Variants in HECTD4 observed in about 807,000 individuals in gnomAD.
HECTD4 encodes HECT domain E3 ubiquitin protein ligase 4.
In HECTD4, 114 loss-of-function variants were observed where a neutral mutation model predicts 471.5. That is an observed-to-expected ratio of 0.24 (90% CI 0.21 to 0.28). HECTD4 has a LOEUF of 0.28. Ranked by LOEUF, HECTD4 falls within the 10% of genes least tolerant of loss-of-function variation. The pLI, the probability that HECTD4 is intolerant of heterozygous loss-of-function variation, is 1.00. For synonymous variants in HECTD4, 2,012 were observed against 2,256.0 expected (o/e 0.89, Z 3.07); for missense variants, 3,866 against 5,651.5 (o/e 0.68, Z 10.13).
chr12:112,362,484 A>G (rs894227545), intron 1 of HECTD4, among the ~76,000 whole-genome samples: 7 of 152,104 alleles, frequency 4.6e-5, no homozygotes, highest in African/African-American at 1.7e-4. Context: ...AGCTATGGAG[A>G]CTGCAGTGGA....
chr12:112,354,985 A>T (rs942762990), intron 1 of HECTD4, among the ~76,000 whole-genome samples: 19 of 145,408 alleles, frequency 1.3e-4, no homozygotes, highest in African/African-American at 4.8e-4. Context: ...TGGGATTTTA[A>T]TTTTTTTTTT....
At chr12:112,375,725 G>C (rs1318002433) in intron 1 of HECTD4, among the ~76,000 whole-genome samples, 2 of 151,984 alleles carry the variant, frequency 1.3e-5, no homozygotes, top group Non-Finnish European at 2.9e-5. Flanking sequence ...TTATTTTTGA[G>C]TTATTGCTTT....
In HECTD4 at chr12:112,236,711, C is replaced by G. The variant is rs181592165; in HGVS notation, c.5444+234G>C. On this transcript the variant is annotated intron_variant, in intron 35 of 75. Coordinates refer to ENST00000682272, the MANE Select transcript of HECTD4 (RefSeq NM_001388303.1). The stretch of plus-strand genomic sequence containing the variant: ...AGCTGCTGTCAGTAAGGTATTAAAG[C>G]AAATGATGATATATTATTTTATGAT... Among the ~76,000 whole-genome samples, 24 of 152,256 alleles carry G rather than the reference C, an allele frequency of 1.6e-4. No individual in the cohort carries two copies. In the East Asian group the frequency reaches 4.4e-3, roughly 28 times the overall value.
intron 1 of HECTD4, among the ~76,000 whole-genome samples, chr12:112,332,533 T>A (rs1594052012): frequency 1.6e-5 from 2 of 123,542 alleles, no homozygotes; most frequent in East Asian, 3.1e-4. Flanking sequence ...AGATTAAGAC[T>A]CTGTCTCAAA....
Position 112,382,094 on chromosome 12 carries a change from G to C in HECTD4, c.35C>G (p.Ala12Gly), listed in dbSNP as rs1594091890. The C allele has an allele frequency of 7.3e-6, 9 of 1,226,180 alleles. No homozygotes were observed. The East Asian group carries it at 2.9e-4, about 39-fold the overall frequency. The allele number at this position is 1,226,180 out of a possible 1,614,324, so 76.0% of individuals were successfully genotyped here. A position where few individuals can be genotyped will look rare whatever the true frequency, so the allele number is the denominator to read the frequency against. ...GSSAAAAAAAAAAADSAQWLS... is the reference protein window; with the variant it reads ...GSSAAAAAAAGAAADSAQWLS... ...CCACTGCGCCGAGTCAGCGGCCGCCGCCGCCGCCGCCGCCGCGGCCGCCGA... is the reference window on the plus strand; with the variant it reads ...CCACTGCGCCGAGTCAGCGGCCGCCCCCGCCGCCGCCGCCGCGGCCGCCGA... The change falls in exon 1 of 76, where the codon GCG becomes GGG. Residue 12 changes from alanine to glycine, a missense_variant. By Grantham distance (60) the Ala-to-Gly change is moderately conservative. Around this residue, in one of 16 missense-constraint regions of HECTD4, gnomAD observed 440 missense variants for 636.0 expected, o/e 0.69. Coordinates refer to ENST00000682272, the MANE Select transcript of HECTD4 (RefSeq NM_001388303.1).
At chr12:112,204,745 T>A (rs2032524175) in intron 52 of HECTD4, 122 bp from the exon 53 acceptor site, 3 of 805,038 alleles carry the variant, frequency 3.7e-6, no homozygotes, top group Non-Finnish European at 5.9e-6. Flanking sequence ...TGAAAGTACA[T>A]AACCCTTTGG....
intron 1 of HECTD4, among the ~76,000 whole-genome samples, chr12:112,358,423 T>C (rs1454490818): frequency 6.6e-6 from 1 of 151,962 alleles, no homozygotes. Context: ...CAAGACCAGC[T>C]TGAACAACAT....
Position 112,228,606 on chromosome 12 carries a change from C to A in HECTD4, c.6684+41G>T. 6.4e-7 allele frequency: 1 copy of A among 1,559,468 alleles called. No homozygotes were observed. The highest frequency in any genetic ancestry group is 1.2e-5 in the South Asian group (1 of 83,552). On this transcript the variant is annotated intron_variant, in intron 42 of 75. Coordinates refer to ENST00000682272, the MANE Select transcript of HECTD4 (RefSeq NM_001388303.1). The surrounding 1 kb of genome is among the most constrained non-coding windows in gnomAD (Gnocchi z 4.9). ...CATAGACTCATTACAGTACAGTTAC[C>A]ATTGGCAGACATTTTACAAAGCATT...
intron 10 of HECTD4, among the ~76,000 whole-genome samples, chr12:112,274,453 C>T (rs1007771556): frequency 2.6e-5 from 4 of 152,300 alleles, no homozygotes; most frequent in Non-Finnish European, 1.5e-5. Flanking sequence ...TGCCTGTAAT[C>T]CCAGCACTTT....
chr12:112,336,661 T>G (rs2035963961), intron 1 of HECTD4, among the ~76,000 whole-genome samples: 1 of 152,112 alleles, frequency 6.6e-6, no homozygotes, highest in Non-Finnish European at 1.5e-5. Flanking sequence ...ACTCATCTTT[T>G]GATATATACT....
At chr12:112,377,002 C>T (rs1324790827) in intron 1 of HECTD4, among the ~76,000 whole-genome samples, 1 of 152,172 alleles carries the variant, frequency 6.6e-6, no homozygotes, top group Non-Finnish European at 1.5e-5. Flanking sequence ...ATCTCAGCTC[C>T]TCAGGGGGCT....
At chr12:112,339,908 T>G (rs1164221327) in intron 1 of HECTD4, among the ~76,000 whole-genome samples, 1 of 151,736 alleles carries the variant, frequency 6.6e-6, no homozygotes, top group Non-Finnish European at 1.5e-5. Context: ...AATTAGCCAG[T>G]CATGGTGGTA....
chr12:112,277,100 T>C (rs1436635085), intron 9 of HECTD4, among the ~76,000 whole-genome samples: 1 of 152,108 alleles, frequency 6.6e-6, no homozygotes, highest in Non-Finnish European at 1.5e-5. Flanking sequence ...CCCAAGAGTA[T>C]GAAAAACATC....
At chr12:112,324,090 CTTT>C (rs2035687845) in intron 1 of HECTD4, among the ~76,000 whole-genome samples, 1 of 85,014 alleles carries the variant, frequency 1.2e-5, no homozygotes, top group Admixed American at 1.5e-4. Flanking sequence ...TTCTTTCTTT[CTTT>C]CTTTCTTTCC....
chr12:112,340,520 G>C (rs1454865885), intron 1 of HECTD4, among the ~76,000 whole-genome samples: 1 of 152,144 alleles, frequency 6.6e-6, no homozygotes, highest in East Asian at 1.9e-4. Flanking sequence ...TTTGGTTGTC[G>C]CAAGTATAGA....
chr12:112,237,172 G>A (rs1237742149), intron 34 of HECTD4, 74 bp from the exon 35 acceptor site: 16 of 1,349,878 alleles, frequency 1.2e-5, no homozygotes, highest in African/African-American at 8.8e-5. Context: ...AGGGGGCGGC[G>A]AGCCCTGTCC....
chr12:112,244,039 A>G (rs748799185), intron 29 of HECTD4, 30 bp from the exon 30 acceptor site: 13 of 1,611,400 alleles, frequency 8.1e-6, no homozygotes, highest in African/African-American at 1.3e-5. Flanking sequence ...AAAGGCTGAC[A>G]TTTCTGCTAT....
At chr12:112,285,285 G>C (rs775035260) in intron 7 of HECTD4, among the ~76,000 whole-genome samples, 1 of 152,088 alleles carries the variant, frequency 6.6e-6, no homozygotes, top group Non-Finnish European at 1.5e-5. Flanking sequence ...CCTTTCCCAA[G>C]ATTAGACCTA....
At chr12:112,258,448 C>G (rs2034073573) in intron 20 of HECTD4, 48 bp downstream of exon 20, 4 of 1,358,672 alleles carry the variant, frequency 2.9e-6, no homozygotes, top group Non-Finnish European at 4.0e-6. Context: ...ACGCTTTCAC[C>G]CAAAGAAAAC....
Sources: allele counts gnomAD v4.1 joint callset (sites outside exome capture counted in the v4.1 genomes callset), GRCh38; gene constraint gnomAD v4.1.1; regional missense constraint gnomAD v4.1.1; non-coding constraint Gnocchi (gnomAD v3.1); transcripts MANE v1.5; gene names NCBI Gene and HGNC (gene_info 2026-07-23, HGNC 2026-07-21).